The following DAD1 variants were observed in gnomAD, a reference collection of about 807,000 sequenced individuals.
The protein encoded by DAD1 is defender against cell death 1, also known as dolichyl-diphosphooligosaccharide--protein glycosyltransferase subunit DAD1.
DAD1 carries 4 observed loss-of-function variants against 9.0 expected under a neutral mutation model. That is an observed-to-expected ratio of 0.44 (90% CI 0.22 to 1.01). The LOEUF is 1.01. Ranked by LOEUF, DAD1 falls within the 50% of genes least tolerant of loss-of-function variation. DAD1 has a pLI of 0.24. For synonymous variants in DAD1, 60 were observed against 62.5 expected, an observed-to-expected ratio of 0.96 and a Z score of 0.19; for missense variants, 119 against 137.3, an observed-to-expected ratio of 0.87 and a Z score of 0.67.
chr14:22,575,271 G>A (rs1491003579), intron 1 of DAD1, 38 bp from the exon 2 acceptor site: 5 of 1,605,180 alleles, frequency 3.1e-6, no homozygotes, highest in Non-Finnish European at 4.3e-6. Context: ...TGATTATATA[G>A]AAGTATAAAA....
intron 2 of DAD1, among the ~76,000 whole-genome samples, chr14:22,571,697 C>A (rs1312131085): frequency 7.3e-6 from 1 of 137,092 alleles, no homozygotes; most frequent in African/African-American, 2.7e-5. Context: ...TGGTGCAATT[C>A]GGGCTCACTG....
intron 2 of DAD1, among the ~76,000 whole-genome samples, chr14:22,566,932 G>A (rs114307754): frequency 6.6e-6 from 1 of 152,106 alleles, no homozygotes; most frequent in South Asian, 2.1e-4. Context: ...TAAAAGCAGA[G>A]GTTCTAGGAT....
chr14:22,578,121 C>T (rs146328399), intron 1 of DAD1, among the ~76,000 whole-genome samples: 13 of 151,750 alleles, frequency 8.6e-5, no homozygotes, highest in Non-Finnish European at 1.3e-4. Context: ...GGCATGGTGG[C>T]GCATGCCTGT....
At chr14:22,577,676 T>G (rs1334848908) in intron 1 of DAD1, among the ~76,000 whole-genome samples, 13 of 152,144 alleles carry the variant, frequency 8.5e-5, no homozygotes, top group Admixed American at 7.9e-4. Context: ...ACATAAGCCA[T>G]GACAAAGGGA....
chr14:22,580,686 A>G (rs958809326), intron 1 of DAD1, among the ~76,000 whole-genome samples: 1 of 152,182 alleles, frequency 6.6e-6, no homozygotes, highest in Non-Finnish European at 1.5e-5. Flanking sequence ...TATGAATCAG[A>G]GTCCCACAAA....
chr14:22,576,314 C>T (rs2037077590), intron 1 of DAD1, among the ~76,000 whole-genome samples: 1 of 152,076 alleles, frequency 6.6e-6, no homozygotes, highest in Non-Finnish European at 1.5e-5. Flanking sequence ...CCCTCGTATA[C>T]AAAATCAAAT....
chr14:22,573,056 G>C (rs2037051931), intron 2 of DAD1, among the ~76,000 whole-genome samples: 1 of 152,160 alleles, frequency 6.6e-6, no homozygotes, highest in African/African-American at 2.4e-5. Context: ...CTCTTCTCTG[G>C]ATTTTTGCAG....
At position 22,575,189 on chromosome 14, in the gene DAD1, G is replaced by C. The variant is rs144369413; in HGVS notation, c.256C>G (p.Gln86Glu). 8 of 1,614,172 alleles carry C rather than the reference G, an allele frequency of 5.0e-6. No individual in the cohort carries two copies. The African/African-American group carries it at 9.3e-5, about 19-fold the overall frequency. ...AAGGCTCGCTCTGGGGAGATGCCTT[G>C]GAAATCCGCTTTGTTCTGTGGGTTG... is the stretch of plus-strand genomic sequence containing the variant. Reference protein sequence around the residue: ...QINPQNKADFQGISPERAFAD... With the variant: ...QINPQNKADFEGISPERAFAD... Residue 86 changes from glutamine to glutamate, a missense_variant, in exon 2 of 3, where the codon CAA becomes GAA. Physicochemically the swap from Gln to Glu is conservative, Grantham distance 29. Coordinates refer to ENST00000250498, the MANE Select transcript of DAD1 (RefSeq NM_001344.4).
At chr14:22,578,875 C>T (rs2037096370) in intron 1 of DAD1, among the ~76,000 whole-genome samples, 1 of 152,044 alleles carries the variant, frequency 6.6e-6, no homozygotes, top group Admixed American at 6.6e-5. Flanking sequence ...AATATATAAC[C>T]AAAAAACCCA....
At chr14:22,571,313 C>CAAAAA (rs71115558) in intron 2 of DAD1, among the ~76,000 whole-genome samples, 37 of 115,336 alleles carry the variant, frequency 3.2e-4, no homozygotes, top group African/African-American at 1.2e-3. Flanking sequence ...GACTCTGTCT[C>CAAAAA]AAAAAAAAAA....
chr14:22,571,156 T>C (rs1272642279), intron 2 of DAD1, among the ~76,000 whole-genome samples: 2 of 151,688 alleles, frequency 1.3e-5, no homozygotes, highest in African/African-American at 4.9e-5. Context: ...ACCCCATCTC[T>C]ACTAAAAATA....
intron 2 of DAD1, among the ~76,000 whole-genome samples, chr14:22,573,772 T>C (rs901515422): frequency 6.6e-6 from 1 of 150,692 alleles, no homozygotes; most frequent in Non-Finnish European, 1.5e-5. Flanking sequence ...TAAACCTCAC[T>C]GTCAACTTAC....
intron 2 of DAD1, among the ~76,000 whole-genome samples, chr14:22,574,677 G>A (rs1478442610): frequency 5.9e-5 from 9 of 152,062 alleles, no homozygotes; most frequent in Non-Finnish European, 1.3e-4. Context: ...TGAAAACAAT[G>A]GTCCAGCATT....
At chr14:22,569,121 A>G (rs1273436459) in intron 2 of DAD1, among the ~76,000 whole-genome samples, 1 of 152,238 alleles carries the variant, frequency 6.6e-6, no homozygotes, top group African/African-American at 2.4e-5. Flanking sequence ...TTAATAACAT[A>G]ACTTTTTCTT....
chr14:22,586,179 G>C (rs1456635623), intron 1 of DAD1, among the ~76,000 whole-genome samples: 5 of 144,840 alleles, frequency 3.5e-5, no homozygotes, highest in Non-Finnish European at 7.4e-5. Context: ...CAGCCTGGGG[G>C]ACAGAGTGAG....
chr14:22,578,160 A>G (rs2037090873), intron 1 of DAD1, among the ~76,000 whole-genome samples: 1 of 151,870 alleles, frequency 6.6e-6, no homozygotes, highest in African/African-American at 2.4e-5. Flanking sequence ...GGCTGAGGCA[A>G]TGAGGCAGGA....
chr14:22,582,063 C>T (rs2037120557), intron 1 of DAD1, among the ~76,000 whole-genome samples: 2 of 151,728 alleles, frequency 1.3e-5, no homozygotes, highest in African/African-American at 4.8e-5. Context: ...AAAAATTAGC[C>T]GGGTGCAGTG....
At chr14:22,579,273 T>A (rs1300461772) in intron 1 of DAD1, among the ~76,000 whole-genome samples, 1 of 151,300 alleles carries the variant, frequency 6.6e-6, no homozygotes, top group Non-Finnish European at 1.5e-5. Flanking sequence ...AGTATCTTTA[T>A]GCCTGTGATA....
rs1803479 is a variant in DAD1, at chr14:22,565,090, T to C, written c.*92A>G. The stretch of plus-strand genomic sequence containing the variant: ...ATCTGAAGAAAATCCATGTGTCCAA[T>C]AAGCTGCCATCTCCAGAACTCTTAT... On this transcript the variant is annotated 3_prime_UTR_variant, in exon 3 of 3. Coordinates refer to ENST00000250498, the MANE Select transcript of DAD1 (RefSeq NM_001344.4). The C allele has an allele frequency of 0.056, 38,958 of 701,378 alleles. 2,157 individuals carry two copies. The highest frequency in any genetic ancestry group is 0.23 in the African/African-American group (12,959 of 57,086). 43.4% of individuals were successfully genotyped at this position (701,378 alleles called of 1,614,324 possible). A position where few individuals can be genotyped will look rare whatever the true frequency, so the allele number is the denominator to read the frequency against.
Sources: allele counts gnomAD v4.1 joint callset (sites outside exome capture counted in the v4.1 genomes callset), GRCh38; gene constraint gnomAD v4.1.1; transcripts MANE v1.5; gene names NCBI Gene and HGNC (gene_info 2026-07-23, HGNC 2026-07-21).